Variants in PLCXD3 observed in about 807,000 individuals in gnomAD.
PLCXD3 encodes the protein PI-PLC X domain-containing protein 3.
In PLCXD3, 19 loss-of-function variants were observed where a neutral mutation model predicts 25.5. That is an observed-to-expected ratio of 0.75 (90% CI 0.52 to 1.09). The LOEUF (loss-of-function observed/expected upper bound fraction) is 1.09, where lower values mean the gene tolerates loss of function less well. Among genes scored for constraint, PLCXD3 ranks in the 50% least tolerant of loss-of-function variants. PLCXD3 has a pLI of 0.00. For synonymous variants in PLCXD3, 174 were observed against 137.6 expected (o/e 1.26, Z -1.85); for missense variants, 411 against 388.1 (o/e 1.06, Z -0.50).
At chr5:41,497,184 A>G (rs1484777639) in intron 1 of PLCXD3, among the ~76,000 whole-genome samples, 7 of 151,904 alleles carry the variant, frequency 4.6e-5, no homozygotes, top group African/African-American at 1.7e-4. Context: ...TAAGAAAAAC[A>G]TAACTAACAA....
intron 1 of PLCXD3, among the ~76,000 whole-genome samples, chr5:41,448,196 C>A (rs531258863): frequency 1.3e-5 from 2 of 152,138 alleles, no homozygotes; most frequent in Non-Finnish European, 2.9e-5. Flanking sequence ...TTGACTGGGA[C>A]CTGAACCCCA....
At chr5:41,506,572 C>T (rs1749055991) in intron 1 of PLCXD3, among the ~76,000 whole-genome samples, 2 of 152,110 alleles carry the variant, frequency 1.3e-5, no homozygotes. Flanking sequence ...ACATTGACTC[C>T]TTCCAAGTAA....
chr5:41,374,851 G>A (rs1304845926), intron 2 of PLCXD3, among the ~76,000 whole-genome samples: 1 of 152,064 alleles, frequency 6.6e-6, no homozygotes, highest in Non-Finnish European at 1.5e-5. Context: ...TGGAAGGGTG[G>A]GGCTGGAAAG....
chr5:41,404,665 A>T (rs1746298928), intron 1 of PLCXD3, among the ~76,000 whole-genome samples: 1 of 152,310 alleles, frequency 6.6e-6, no homozygotes, highest in Middle Eastern at 3.4e-3. Context: ...ATATATAGTA[A>T]GTATGAATCT....
At chr5:41,433,081 T>C (rs548209772) in intron 1 of PLCXD3, among the ~76,000 whole-genome samples, 1 of 152,310 alleles carries the variant, frequency 6.6e-6, no homozygotes, top group Non-Finnish European at 1.5e-5. Context: ...AGAGGCCAGC[T>C]TTCTCCACCA....
intron 1 of PLCXD3, among the ~76,000 whole-genome samples, chr5:41,435,568 T>A (rs933862752): frequency 9.2e-5 from 14 of 152,140 alleles, no homozygotes; most frequent in African/African-American, 2.7e-4. Context: ...CCCTGAGCAA[T>A]CTTGGAAAAG....
intron 1 of PLCXD3, among the ~76,000 whole-genome samples, chr5:41,407,385 G>C (rs937214089): frequency 6.6e-6 from 1 of 151,630 alleles, no homozygotes; most frequent in Admixed American, 6.6e-5. Context: ...AACATGACAA[G>C]AAAAAAAAAT....
chr5:41,386,761 T>C (rs1002458920), intron 1 of PLCXD3, among the ~76,000 whole-genome samples: 2 of 151,996 alleles, frequency 1.3e-5, no homozygotes, highest in African/African-American at 4.8e-5. Flanking sequence ...TAAACATCAA[T>C]TTAAACTGAC....
chr5:41,401,002 C>T (rs564793433), intron 1 of PLCXD3, among the ~76,000 whole-genome samples: 21 of 21,540 alleles, frequency 9.7e-4, no homozygotes, highest in African/African-American at 2.3e-3. Context: ...TTTTAAAAAG[C>T]TAAAAAAAAA....
chr5:41,399,840 A>G (rs2150499302), intron 1 of PLCXD3, among the ~76,000 whole-genome samples: 1 of 152,320 alleles, frequency 6.6e-6, no homozygotes, highest in South Asian at 2.1e-4. Context: ...AAACATGGAC[A>G]TATGGGATCG....
At chr5:41,412,396 T>A (rs1746576898) in intron 1 of PLCXD3, among the ~76,000 whole-genome samples, 1 of 152,220 alleles carries the variant, frequency 6.6e-6, no homozygotes, top group Admixed American at 6.5e-5. Context: ...TCTTCCTATA[T>A]CTTTTATAAT....
At chr5:41,490,230 A>G (rs1023316084) in intron 1 of PLCXD3, among the ~76,000 whole-genome samples, 234 of 152,294 alleles carry the variant, frequency 1.5e-3, no homozygotes, top group Non-Finnish European at 2.5e-3. Flanking sequence ...TATATGCTGG[A>G]TTACATTTAT....
At chr5:41,343,782 TCA>T (rs1163995366) in intron 2 of PLCXD3, among the ~76,000 whole-genome samples, 1 of 152,178 alleles carries the variant, frequency 6.6e-6, no homozygotes, top group African/African-American at 2.4e-5. Flanking sequence ...TAATGTCAAG[TCA>T]CAGTCATATT....
chr5:41,350,607 A>C (rs1364477954), intron 2 of PLCXD3, among the ~76,000 whole-genome samples: 1 of 152,202 alleles, frequency 6.6e-6, no homozygotes, highest in Non-Finnish European at 1.5e-5. Context: ...AAAAAAATAC[A>C]ATAGGGTATT....
intron 1 of PLCXD3, among the ~76,000 whole-genome samples, chr5:41,400,896 TCA>T (rs1429676523): frequency 2.6e-5 from 4 of 152,114 alleles, no homozygotes; most frequent in Non-Finnish European, 2.9e-5. Flanking sequence ...GAAGGATACC[TCA>T]TTCTCTATGT....
chr5:41,356,011 C>A (rs7725517), intron 2 of PLCXD3, among the ~76,000 whole-genome samples: 43,114 of 151,772 alleles, frequency 0.28, 7,308 homozygotes, highest in African/African-American at 0.47. Flanking sequence ...CTAAAAAAAA[C>A]CCATGATCAT....
chr5:41,448,339 T>G (rs1198480438), intron 1 of PLCXD3, among the ~76,000 whole-genome samples: 2 of 152,170 alleles, frequency 1.3e-5, no homozygotes, highest in Non-Finnish European at 2.9e-5. Context: ...CAAGGCAGAT[T>G]TACTTGGGCT....
intron 1 of PLCXD3, among the ~76,000 whole-genome samples, chr5:41,427,198 TC>T (rs1746981152): frequency 6.6e-6 from 1 of 152,156 alleles, no homozygotes; most frequent in South Asian, 2.1e-4. Flanking sequence ...TTTCAATATT[TC>T]CCACTCCCTA....
intron 1 of PLCXD3, among the ~76,000 whole-genome samples, chr5:41,397,344 T>C (rs1371203741): frequency 6.6e-6 from 1 of 152,138 alleles, no homozygotes; most frequent in African/African-American, 2.4e-5. Flanking sequence ...GCTTGGGACA[T>C]TTCTTCAGAG....
Sources: allele counts gnomAD v4.1 joint callset (sites outside exome capture counted in the v4.1 genomes callset), GRCh38; gene constraint gnomAD v4.1.1; transcripts MANE v1.5; gene names NCBI Gene and HGNC (gene_info 2026-07-23, HGNC 2026-07-21).